GRK4: variants seen among roughly 807,000 people sequenced by gnomAD.
GRK4 encodes G protein-coupled receptor kinase 4, also known as G protein-coupled receptor kinase 2-like.
A neutral mutation model predicts 77.9 loss-of-function variants in GRK4; 73 were observed. That is an observed-to-expected ratio of 0.94 (90% CI 0.78 to 1.14). The LOEUF is 1.14. Ranked by LOEUF, GRK4 falls within the 50% of genes most tolerant of loss-of-function variation. GRK4 has a pLI of 0.00. For missense variants in GRK4, 729 were observed against 700.2 expected (o/e 1.04, Z -0.46); for synonymous variants, 257 against 254.4 (o/e 1.01, Z -0.10).
intron 1 of GRK4, among the ~76,000 whole-genome samples, chr4:2,977,553 G>T (rs576742168): frequency 1.3e-5 from 2 of 152,312 alleles, no homozygotes; most frequent in South Asian, 2.1e-4. Flanking sequence ...AATAAGAATA[G>T]AATTTATTTT....
intron 5 of GRK4, 64 bp downstream of exon 5, chr4:3,004,398 C>G: frequency 9.6e-7 from 1 of 1,041,246 alleles, no homozygotes; most frequent in South Asian, 1.4e-5. Context: ...AGACAGCTTT[C>G]AGGAGGTTTC....
At chr4:2,977,623 C>T (rs1721609919) in intron 1 of GRK4, among the ~76,000 whole-genome samples, 1 of 152,116 alleles carries the variant, frequency 6.6e-6, no homozygotes, top group African/African-American at 2.4e-5. Flanking sequence ...GTAGACTGTG[C>T]TTTGTGCAGT....
chr4:3,023,161 A>T (rs1736541668), intron 10 of GRK4, among the ~76,000 whole-genome samples: 1 of 152,132 alleles, frequency 6.6e-6, no homozygotes, highest in African/African-American at 2.4e-5. Flanking sequence ...CAGGGTGCAG[A>T]TGGCTGCTTG....
intron 1 of GRK4, 132 bp downstream of exon 1, chr4:2,964,254 T>TG (rs1216054771): frequency 2.5e-6 from 2 of 791,810 alleles, no homozygotes; most frequent in African/African-American, 3.7e-5. Context: ...CACCTCCCAC[T>TG]GGGGGAACCC....
intron 4 of GRK4, among the ~76,000 whole-genome samples, chr4:3,002,757 G>GT (rs1730208659): frequency 6.6e-6 from 1 of 152,106 alleles, no homozygotes; most frequent in Non-Finnish European, 1.5e-5. Context: ...TACTTGGGAG[G>GT]TGGAGGTAGG....
At chr4:3,017,286 C>T (rs57643304) in intron 8 of GRK4, among the ~76,000 whole-genome samples, 1,775 of 152,240 alleles carry the variant, frequency 0.012, 31 homozygotes, top group African/African-American at 0.041. Flanking sequence ...TTCCCTCTTG[C>T]CCTTGGTCTC....
chr4:3,012,168 A>G (rs1162946998), intron 7 of GRK4, among the ~76,000 whole-genome samples: 1 of 152,274 alleles, frequency 6.6e-6, no homozygotes, highest in African/African-American at 2.4e-5. Flanking sequence ...TTTTAAATTA[A>G]CGATAAAGAG....
intron 10 of GRK4, 89 bp downstream of exon 10, chr4:3,022,540 G>T: frequency 8.9e-7 from 1 of 1,121,254 alleles, no homozygotes; most frequent in South Asian, 1.4e-5. Context: ...TGGACTTAAT[G>T]ATTAGGAGAG....
At chr4:3,020,493 A>G (rs1372556167) in intron 9 of GRK4, among the ~76,000 whole-genome samples, 5 of 152,226 alleles carry the variant, frequency 3.3e-5, no homozygotes, top group African/African-American at 1.2e-4. Context: ...ATGTCTTGAA[A>G]TAGTAGTTTC....
At chr4:2,968,605 A>G (rs537039493) in intron 1 of GRK4, among the ~76,000 whole-genome samples, 1 of 152,268 alleles carries the variant, frequency 6.6e-6, no homozygotes, top group African/African-American at 2.4e-5. Flanking sequence ...AATAAACAAC[A>G]TGTTCAGAAA....
At chr4:3,025,510 C>A (rs1194756469) in intron 10 of GRK4, among the ~76,000 whole-genome samples, 2 of 150,774 alleles carry the variant, frequency 1.3e-5, no homozygotes, top group African/African-American at 2.4e-5. Flanking sequence ...CTGCCTCAGC[C>A]TCCCAAGCAG....
intron 2 of GRK4, among the ~76,000 whole-genome samples, chr4:2,986,368 T>G (rs1173835657): frequency 6.9e-6 from 1 of 144,794 alleles, no homozygotes; most frequent in East Asian, 2.0e-4. Flanking sequence ...TTTTTTTTTT[T>G]TTTTTTTGAG....
chr4:2,991,445 G>A (rs1180644582), intron 3 of GRK4, among the ~76,000 whole-genome samples: 2 of 152,214 alleles, frequency 1.3e-5, no homozygotes, highest in African/African-American at 4.8e-5. Context: ...GACCATTGCA[G>A]GATCAGACTT....
chr4:3,007,870 G>A (rs989639329), intron 6 of GRK4, 42 bp downstream of exon 6: 3 of 1,344,898 alleles, frequency 2.2e-6, no homozygotes, highest in Admixed American at 1.8e-5. Flanking sequence ...AATTGAGGTG[G>A]CACATGCCTG....
At chr4:3,013,179 G>A (rs1209472026) in intron 7 of GRK4, among the ~76,000 whole-genome samples, 1 of 151,574 alleles carries the variant, frequency 6.6e-6, no homozygotes, top group Non-Finnish European at 1.5e-5. Flanking sequence ...GAGTAGCTGG[G>A]GCTACAGGCA....
In GRK4 at chr4:2,964,044, A is replaced by C; in HGVS notation, c.-27A>C. Reference sequence around the variant, plus strand: ...TCCTCAGTCTCCTCGGTCTCGCAGAATCCGCCGGCGGCGGCGGCGCCAGGA... The same window carrying C: ...TCCTCAGTCTCCTCGGTCTCGCAGACTCCGCCGGCGGCGGCGGCGCCAGGA... On this transcript the variant is annotated 5_prime_UTR_variant, in exon 1 of 16. Coordinates refer to ENST00000398052, the MANE Select transcript of GRK4 (RefSeq NM_182982.3). The C allele has an allele frequency of 6.3e-7, 1 of 1,598,608 alleles. No homozygotes were observed. Among genetic ancestry groups the C allele is most frequent in the Non-Finnish European group, 8.5e-7 (1 of 1,173,106 alleles).
chr4:3,035,244 C>CAAAAAAAAAAAAAA, intron 12 of GRK4, 142 bp from the exon 13 acceptor site: 2 of 883,728 alleles, frequency 2.3e-6, no homozygotes, highest in Non-Finnish European at 3.6e-6. Context: ...GACTCCATCT[C>CAAAAAAAAAAAAAA]AAAAAAAGAA....
At chr4:3,037,583 CCGTGTG>C in intron 14 of GRK4, 72 bp downstream of exon 14, 1 of 1,347,568 alleles carries the variant, frequency 7.4e-7, no homozygotes, top group Non-Finnish European at 1.0e-6. Context: ...GTGTGTGTGT[CCGTGTG>C]TGTGTGTGTG....
intron 10 of GRK4, among the ~76,000 whole-genome samples, chr4:3,025,464 A>G (rs1234881538): frequency 1.5e-5 from 2 of 133,534 alleles, no homozygotes; most frequent in East Asian, 2.2e-4. Flanking sequence ...ATCTCGGCTC[A>G]CTGTAAGCTC....
Sources: allele counts gnomAD v4.1 joint callset (sites outside exome capture counted in the v4.1 genomes callset), GRCh38; gene constraint gnomAD v4.1.1; transcripts MANE v1.5; gene names NCBI Gene and HGNC (gene_info 2026-07-23, HGNC 2026-07-21).